MAPK8: variants seen among roughly 807,000 people sequenced by gnomAD.
MAPK8 encodes mitogen-activated protein kinase 8, also known as JUN N-terminal kinase.
A neutral mutation model predicts 52.9 loss-of-function variants in MAPK8; 13 were observed. The ratio of observed to expected loss-of-function variants is 0.25; its 90% CI spans 0.16 to 0.39. MAPK8 has a LOEUF of 0.39. Ranked by LOEUF, MAPK8 falls within the 10% of genes least tolerant of loss-of-function variation. The probability of loss-of-function intolerance (pLI) is 1.00; values close to 1 mark genes in which losing one functional copy is unlikely to be tolerated. For synonymous variants in MAPK8, 191 were observed against 169.8 expected (o/e 1.12, Z -0.97); for missense variants, 300 against 519.2 (o/e 0.58, Z 4.10).
At chr10:48,397,340 G>A (rs2041938532) in intron 1 of MAPK8, among the ~76,000 whole-genome samples, 1 of 151,274 alleles carries the variant, frequency 6.6e-6, no homozygotes, top group African/African-American at 2.4e-5. Flanking sequence ...ATTTTTTATA[G>A]AGATGGGGTC....
At chr10:48,326,556 T>C (rs552753433) in intron 1 of MAPK8, among the ~76,000 whole-genome samples, 1 of 152,312 alleles carries the variant, frequency 6.6e-6, no homozygotes, top group Non-Finnish European at 1.5e-5. Flanking sequence ...GCTACTGGGA[T>C]GTTGTGTTTT....
chr10:48,310,944 C>G (rs1391601408), intron 1 of MAPK8, among the ~76,000 whole-genome samples: 1 of 152,114 alleles, frequency 6.6e-6, no homozygotes, highest in Non-Finnish European at 1.5e-5. Context: ...TCAAGGAACT[C>G]AAACCTTACA....
chr10:48,379,849 T>C (rs1432651952), intron 1 of MAPK8, among the ~76,000 whole-genome samples: 1 of 151,764 alleles, frequency 6.6e-6, no homozygotes, highest in African/African-American at 2.4e-5. Flanking sequence ...TCAAGAATAC[T>C]TGAATATGGT....
intron 1 of MAPK8, among the ~76,000 whole-genome samples, chr10:48,374,887 A>G (rs144386417): frequency 0.085 from 12,904 of 152,268 alleles, 648 homozygotes; most frequent in Non-Finnish European, 0.11. Context: ...AACTCATTTT[A>G]TGAGGCCAGA....
chr10:48,432,543 T>C (rs1414535022), intron 11 of MAPK8, among the ~76,000 whole-genome samples: 1 of 152,212 alleles, frequency 6.6e-6, no homozygotes, highest in Non-Finnish European at 1.5e-5. Context: ...ATGCTTTGTG[T>C]AATTAATTAG....
chr10:48,425,146 T>G (rs760018593), intron 7 of MAPK8: 1 of 750,760 alleles, frequency 1.3e-6, no homozygotes, highest in South Asian at 1.4e-5. Context: ...TTGTTATGTG[T>G]TTACCAGCTA....
intron 1 of MAPK8, among the ~76,000 whole-genome samples, chr10:48,310,345 G>T (rs1001703577): frequency 6.6e-6 from 1 of 152,170 alleles, no homozygotes; most frequent in African/African-American, 2.4e-5. Context: ...CCTAAGTTAA[G>T]AACAGTAGTC....
intron 1 of MAPK8, among the ~76,000 whole-genome samples, chr10:48,328,737 A>G (rs1229778286): frequency 6.6e-6 from 1 of 152,248 alleles, no homozygotes; most frequent in African/African-American, 2.4e-5. Flanking sequence ...TCTTAAAAAC[A>G]GAACATTTTC....
chr10:48,426,288 T>A, intron 8 of MAPK8, 92 bp from the exon 9 acceptor site: 1 of 1,140,198 alleles, frequency 8.8e-7, no homozygotes, highest in South Asian at 1.7e-5. Context: ...TTTTAAAACA[T>A]ATGCTTTTTA....
rs375128700 is a variant in MAPK8, at chr10:48,418,081, G to A, written c.451-2074G>A. Among the ~76,000 whole-genome samples, 369 of 152,336 alleles carry A rather than the reference G, an allele frequency of 2.4e-3. 1 individual carries two copies. The highest frequency in any genetic ancestry group is 8.4e-3 in the African/African-American group (349 of 41,584). On this transcript the variant is annotated intron_variant, in intron 5 of 11. Coordinates refer to ENST00000374189, the MANE Select transcript of MAPK8 (RefSeq NM_001323329.2). ...GATCTGTACTTGAATGAGCATGACT[G>A]TGTTTCAGTATCAGCACTTTCTTTA... is the stretch of plus-strand genomic sequence containing the variant.
intron 1 of MAPK8, among the ~76,000 whole-genome samples, chr10:48,353,996 C>T (rs1395806145): frequency 1.3e-5 from 2 of 152,054 alleles, no homozygotes; most frequent in African/African-American, 2.4e-5. Context: ...TGTGATAAAG[C>T]GATACATAGC....
chr10:48,417,493 T>C (rs949651228), intron 5 of MAPK8, among the ~76,000 whole-genome samples: 2 of 152,230 alleles, frequency 1.3e-5, no homozygotes, highest in Non-Finnish European at 2.9e-5. Flanking sequence ...CAATATTTAT[T>C]GTTTACTTGG....
At chr10:48,397,683 A>G (rs1564579285) in intron 1 of MAPK8, among the ~76,000 whole-genome samples, 1 of 151,784 alleles carries the variant, frequency 6.6e-6, no homozygotes, top group Admixed American at 6.6e-5. Flanking sequence ...CTTCGTCTCC[A>G]GGGTTCAAGC....
intron 1 of MAPK8, among the ~76,000 whole-genome samples, chr10:48,340,086 A>G (rs1173076799): frequency 6.6e-6 from 1 of 152,222 alleles, no homozygotes; most frequent in Non-Finnish European, 1.5e-5. Context: ...TTTTATCATA[A>G]AGACAGCTGT....
chr10:48,427,035 A>G, intron 9 of MAPK8, 45 bp from the exon 10 acceptor site: 4 of 1,417,212 alleles, frequency 2.8e-6, no homozygotes, highest in Non-Finnish European at 4.0e-6. Context: ...GAGTTAAAAT[A>G]CTCCCAGCAT....
chr10:48,404,820 T>C (rs762925354), intron 2 of MAPK8, 32 bp from the exon 3 acceptor site: 32 of 1,568,442 alleles, frequency 2.0e-5, no homozygotes, highest in Middle Eastern at 3.4e-4. Context: ...TGCTTGAAGT[T>C]TTTTTGTGTG....
chr10:48,387,423 A>G (rs1213635336), intron 1 of MAPK8, among the ~76,000 whole-genome samples: 2 of 152,214 alleles, frequency 1.3e-5, no homozygotes, highest in African/African-American at 4.8e-5. Context: ...AGAAGGAGAA[A>G]GAAGAATCCT....
intron 1 of MAPK8, among the ~76,000 whole-genome samples, chr10:48,336,983 A>G (rs547176562): frequency 5.3e-5 from 8 of 152,318 alleles, no homozygotes; most frequent in African/African-American, 1.9e-4. Context: ...TTATAAAACA[A>G]ATACTACTAG....
At chr10:48,379,392 G>GGT (rs2132710887) in intron 1 of MAPK8, among the ~76,000 whole-genome samples, 1 of 152,068 alleles carries the variant, frequency 6.6e-6, no homozygotes, top group African/African-American at 2.4e-5. Flanking sequence ...GTTAAACCTT[G>GGT]GTACAATAAC....
Sources: allele counts gnomAD v4.1 joint callset (sites outside exome capture counted in the v4.1 genomes callset), GRCh38; gene constraint gnomAD v4.1.1; transcripts MANE v1.5; gene names NCBI Gene and HGNC (gene_info 2026-07-23, HGNC 2026-07-21).